The following MARCHF1 variants were observed in gnomAD, a reference collection of about 807,000 sequenced individuals.
The protein encoded by MARCHF1 is E3 ubiquitin-protein ligase MARCHF1.
Under a neutral mutation model 54.2 loss-of-function variants are expected in MARCHF1, and 40 were observed. The ratio of observed to expected loss-of-function variants is 0.74; its 90% CI spans 0.57 to 0.96. MARCHF1 has a LOEUF of 0.96. MARCHF1 is among the 40% of genes least tolerant of loss of function. The pLI is 0.00. For synonymous variants in MARCHF1, 236 were observed against 236.3 expected, an observed-to-expected ratio of 1.00 and a Z score of 0.01; for missense variants, 586 against 656.5, an observed-to-expected ratio of 0.89 and a Z score of 1.17.
intron 2 of MARCHF1, among the ~76,000 whole-genome samples, chr4:164,020,893 T>C (rs1445238876): frequency 6.6e-6 from 1 of 152,226 alleles, no homozygotes; most frequent in African/African-American, 2.4e-5. Context: ...ATAGTGCTAC[T>C]GCACTCCAGC....
intron 1 of MARCHF1, among the ~76,000 whole-genome samples, chr4:164,351,465 A>G (rs902431686): frequency 2.6e-5 from 4 of 151,120 alleles, no homozygotes; most frequent in African/African-American, 9.7e-5. Context: ...CTGACCCCCG[A>G]GCAGCCTAAC....
In MARCHF1 at chr4:164,274,525, T is replaced by A. The variant is rs190755145; in HGVS notation, c.-323+109345A>T. Among the ~76,000 whole-genome samples, 264 of 152,190 alleles carry A rather than the reference T, an allele frequency of 1.7e-3. 1 individual carries two copies. The highest frequency in any genetic ancestry group is 1.4e-3 in the Non-Finnish European group (98 of 68,006). On this transcript the variant is annotated intron_variant, in intron 1 of 9. Coordinates refer to ENST00000514618, the MANE Select transcript of MARCHF1 (RefSeq NM_001394959.1). Reference sequence around the variant, plus strand: ...AAGTTATTATATTTTAGATGTGAGATCATTTCCAAATTCCCCAGTGTTCAT... The same window carrying A: ...AAGTTATTATATTTTAGATGTGAGAACATTTCCAAATTCCCCAGTGTTCAT...
In MARCHF1 at chr4:163,550,296, A is replaced by AAAG. The variant is rs1553991104; in HGVS notation, c.1192-4554_1192-4553insCTT. ...GACTCCGTCTCAAAAAAAAAAAAAA[A>AAAG]AAAAGAAAAGAAAAGAAAAGAAAAA... On this transcript the variant is annotated intron_variant, in intron 8 of 9. Coordinates refer to ENST00000514618, the MANE Select transcript of MARCHF1 (RefSeq NM_001394959.1). Among the ~76,000 whole-genome samples, 459 of 148,296 alleles carry AAAG rather than the reference A, an allele frequency of 3.1e-3. 4 individuals carry two copies. The highest frequency in any genetic ancestry group is 1.0e-2 in the African/African-American group (394 of 39,574).
chr4:164,294,863 C>T (rs1417390037), intron 1 of MARCHF1, among the ~76,000 whole-genome samples: 1 of 152,088 alleles, frequency 6.6e-6, no homozygotes, highest in Non-Finnish European at 1.5e-5. Context: ...TAAATATACC[C>T]TATTGTGACC....
At chr4:164,165,546 G>A (rs979246085) in intron 1 of MARCHF1, among the ~76,000 whole-genome samples, 2 of 151,828 alleles carry the variant, frequency 1.3e-5, no homozygotes, top group East Asian at 1.9e-4. Flanking sequence ...TGTTTAAGCC[G>A]CCCAATCTAC....
chr4:164,159,215 C>T lies in MARCHF1; in HGVS notation c.-322-47553G>A, dbSNP rs145515670. On this transcript the variant is annotated intron_variant, in intron 1 of 9. Transcript: ENST00000514618. ...ACTGCACATGCTGTTGATGCTAAAA[C>T]GTGCTAACTTGAAACTGTTGGGCAT... Among the ~76,000 whole-genome samples the T allele has an allele frequency of 5.2e-4, 79 of 152,230 alleles. No individual in the cohort carries two copies. The East Asian group carries it at 0.013, about 26-fold the overall frequency.
At chr4:164,272,483 A>G (rs564623545) in intron 1 of MARCHF1, among the ~76,000 whole-genome samples, 10 of 152,268 alleles carry the variant, frequency 6.6e-5, no homozygotes, top group African/African-American at 2.4e-4. Context: ...TCAGCAAAAC[A>G]TATTGTTTAG....
intron 3 of MARCHF1, among the ~76,000 whole-genome samples, chr4:163,895,016 CACAT>C (rs1209748775): frequency 6.7e-6 from 1 of 150,202 alleles, no homozygotes; most frequent in East Asian, 2.0e-4. Flanking sequence ...CACATACACA[CACAT>C]ATGCATGTGA....
intron 4 of MARCHF1, among the ~76,000 whole-genome samples, chr4:163,806,954 C>G (rs1338853467): frequency 2.0e-5 from 3 of 151,932 alleles, no homozygotes; most frequent in Non-Finnish European, 4.4e-5. Flanking sequence ...GTACACTTAA[C>G]AAATCTCAGG....
chr4:163,738,810 A>G (rs1259065086), intron 4 of MARCHF1, among the ~76,000 whole-genome samples: 1 of 152,186 alleles, frequency 6.6e-6, no homozygotes, highest in Non-Finnish European at 1.5e-5. Flanking sequence ...AAACTTTAAA[A>G]CCTAAAGCAT....
intron 2 of MARCHF1, among the ~76,000 whole-genome samples, chr4:164,085,605 T>C (rs762407662): frequency 3.3e-5 from 5 of 151,854 alleles, no homozygotes; most frequent in Non-Finnish European, 7.4e-5. Context: ...TGCCAAATAC[T>C]CACTGACATT....
At chr4:164,251,754 A>G (rs1454808931) in intron 1 of MARCHF1, among the ~76,000 whole-genome samples, 4 of 152,166 alleles carry the variant, frequency 2.6e-5, no homozygotes, top group Non-Finnish European at 5.9e-5. Flanking sequence ...CCCAACACAG[A>G]GAAGACATCA....
chr4:163,555,397 C>T (rs1216918482), intron 8 of MARCHF1, among the ~76,000 whole-genome samples: 2 of 152,094 alleles, frequency 1.3e-5, no homozygotes, highest in Non-Finnish European at 2.9e-5. Flanking sequence ...AATATACTTT[C>T]ACCTCCTTCC....
At chr4:163,969,729 A>C (rs957129283) in intron 3 of MARCHF1, among the ~76,000 whole-genome samples, 2 of 152,204 alleles carry the variant, frequency 1.3e-5, no homozygotes, top group Admixed American at 6.5e-5. Context: ...GATGTCATGT[A>C]GCTTATTAAT....
At chr4:163,885,517 A>G (rs1343656580) in intron 3 of MARCHF1, among the ~76,000 whole-genome samples, 1 of 152,144 alleles carries the variant, frequency 6.6e-6, no homozygotes, top group Non-Finnish European at 1.5e-5. Context: ...AAGAGCCACA[A>G]ATAATAACAA....
At chr4:163,943,289 T>C (rs1751952965) in intron 3 of MARCHF1, among the ~76,000 whole-genome samples, 1 of 152,216 alleles carries the variant, frequency 6.6e-6, no homozygotes, top group African/African-American at 2.4e-5. Context: ...TAGTACAGCC[T>C]AGGTTGTCTT....
chr4:163,971,185 G>C (rs1348634444), intron 3 of MARCHF1, among the ~76,000 whole-genome samples: 1 of 152,086 alleles, frequency 6.6e-6, no homozygotes, highest in Admixed American at 6.5e-5. Flanking sequence ...TTCAGATAGT[G>C]ATCCATATTA....
intron 5 of MARCHF1, among the ~76,000 whole-genome samples, chr4:163,632,431 C>A (rs953164484): frequency 1.3e-5 from 2 of 152,182 alleles, no homozygotes; most frequent in African/African-American, 4.8e-5. Context: ...TTGCCTCACT[C>A]AGGAAGCGCA....
In MARCHF1 at chr4:163,754,698, T is replaced by G. The variant is rs184509280; in HGVS notation, c.112-53835A>C. On this transcript the variant is annotated intron_variant, in intron 4 of 9. Transcript: ENST00000514618. ...ACCTAAAATTCCACAATTAAAATTTTATTGATTTGATTTAAACCTGTTAAA... is the reference window on the plus strand; with the variant it reads ...ACCTAAAATTCCACAATTAAAATTTGATTGATTTGATTTAAACCTGTTAAA... Among the ~76,000 whole-genome samples, 30 of 151,614 alleles carry G rather than the reference T, an allele frequency of 2.0e-4. 1 individual carries two copies. The highest frequency in any genetic ancestry group is 1.8e-3 in the Admixed American group (27 of 15,170).
Sources: gnomAD v4.1 joint callset for allele counts (sites outside exome capture counted in the v4.1 genomes callset) on GRCh38, gnomAD v4.1.1 for gene constraint, MANE v1.5 for transcripts, NCBI Gene and HGNC (gene_info 2026-07-23, HGNC 2026-07-21) for gene names.